The following KCNH1 variants were observed in gnomAD, a reference collection of about 807,000 sequenced individuals.
KCNH1 encodes the protein voltage-gated delayed rectifier potassium channel KCNH1.
KCNH1 carries 27 observed loss-of-function variants against 69.2 expected under a neutral mutation model. The ratio of observed to expected loss-of-function variants is 0.39; its 90% confidence interval spans 0.29 to 0.54. The LOEUF is 0.54. Ranked by LOEUF, KCNH1 falls within the 20% of genes least tolerant of loss-of-function variation. The probability of loss-of-function intolerance (pLI) is 0.68; values close to 1 mark genes in which losing one functional copy is unlikely to be tolerated. For synonymous variants in KCNH1, 456 were observed against 487.7 expected (o/e 0.93, Z 0.86); for missense variants, 798 against 1,261.6 (o/e 0.63, Z 5.57).
At chr1:210,817,897 T>C (rs115242610) in intron 7 of KCNH1, among the ~76,000 whole-genome samples, 514 of 152,296 alleles carry the variant, frequency 3.4e-3, no homozygotes, top group Middle Eastern at 0.01. Flanking sequence ...TGTGGGACAC[T>C]GTGTTGTGCA....
At chr1:210,731,626 A>C (rs1448849217) in intron 10 of KCNH1, among the ~76,000 whole-genome samples, 1 of 152,228 alleles carries the variant, frequency 6.6e-6, no homozygotes, top group Non-Finnish European at 1.5e-5. Flanking sequence ...AAATGCCACA[A>C]GCCCTTTGAA....
rs1482781233 is a variant in KCNH1 at position 211,121,128 on chromosome 1, C to T, written c.79+12739G>A. On this transcript the variant is annotated intron_variant, in intron 1 of 10. Transcript: ENST00000271751. ...CCCAAAGTAATTTATAGATTCAATG[C>T]TATTCTCATCAAACTACCATTGACA... Among the ~76,000 whole-genome samples the T allele has an allele frequency of 3.3e-5, 5 of 152,158 alleles. No individual in the cohort carries two copies. In the South Asian group the frequency reaches 6.2e-4, roughly 19 times the overall value.
intron 1 of KCNH1, among the ~76,000 whole-genome samples, chr1:211,126,687 CA>C (rs71571980): frequency 0.026 from 1,675 of 64,948 alleles, 11 homozygotes; most frequent in Non-Finnish European, 0.038. Context: ...TATAATATCT[CA>C]AAAAAAAAAA....
At chr1:211,124,597 C>T (rs952528670) in intron 1 of KCNH1, among the ~76,000 whole-genome samples, 2 of 151,972 alleles carry the variant, frequency 1.3e-5, no homozygotes, top group African/African-American at 4.8e-5. Flanking sequence ...AGCCTGGCGA[C>T]AGAGCAAGAC....
intron 7 of KCNH1, chr1:210,859,079 G>A (rs935598929): frequency 8.6e-5 from 65 of 757,922 alleles, no homozygotes; most frequent in Middle Eastern, 3.9e-4. Context: ...CTGATCATTA[G>A]TTTAGAATAG....
At chr1:211,125,725 T>C (rs1691766680) in intron 1 of KCNH1, among the ~76,000 whole-genome samples, 1 of 152,210 alleles carries the variant, frequency 6.6e-6, no homozygotes, top group Non-Finnish European at 1.5e-5. Flanking sequence ...TTCTCTTCTT[T>C]ATAGAAGCAC....
At chr1:210,733,754 A>C (rs1390636436) in intron 10 of KCNH1, among the ~76,000 whole-genome samples, 1 of 152,090 alleles carries the variant, frequency 6.6e-6, no homozygotes, top group Non-Finnish European at 1.5e-5. Flanking sequence ...GTGAAAAGAG[A>C]GGTGTGGGTA....
At chr1:210,878,876 G>A (rs1686435884) in intron 7 of KCNH1, among the ~76,000 whole-genome samples, 1 of 151,892 alleles carries the variant, frequency 6.6e-6, no homozygotes, top group South Asian at 2.1e-4. Context: ...AAATACATAA[G>A]CTTCTATCCA....
chr1:211,113,869 G>A (rs182875788), intron 1 of KCNH1, among the ~76,000 whole-genome samples: 1 of 152,022 alleles, frequency 6.6e-6, no homozygotes, highest in Non-Finnish European at 1.5e-5. Context: ...GTGTTCAGGG[G>A]AGGACGGTGA....
chr1:211,107,891 C>T (rs988489077), intron 1 of KCNH1, among the ~76,000 whole-genome samples: 5 of 152,236 alleles, frequency 3.3e-5, no homozygotes, highest in Non-Finnish European at 5.9e-5. Flanking sequence ...AACACTTCCT[C>T]ATGGACACAC....
intron 6 of KCNH1, among the ~76,000 whole-genome samples, chr1:210,956,129 T>C (rs951840657): frequency 1.3e-5 from 2 of 152,340 alleles, no homozygotes; most frequent in Non-Finnish European, 2.9e-5. Context: ...TTGAATATTG[T>C]CAAAGGCCTT....
chr1:210,999,476 T>A (rs1222180353), intron 6 of KCNH1, among the ~76,000 whole-genome samples: 1 of 152,148 alleles, frequency 6.6e-6, no homozygotes, highest in African/African-American at 2.4e-5. Context: ...AGAAATGGAA[T>A]CTCTGAATAG....
At chr1:210,856,825 A>ATATAT (rs1373036390) in intron 7 of KCNH1, among the ~76,000 whole-genome samples, 1 of 129,342 alleles carries the variant, frequency 7.7e-6, no homozygotes, top group African/African-American at 2.8e-5. Flanking sequence ...TATATATTTT[A>ATATAT]TATATAATAT....
intron 5 of KCNH1, among the ~76,000 whole-genome samples, chr1:211,059,758 A>T (rs889621787): frequency 2.0e-5 from 3 of 149,904 alleles, no homozygotes; most frequent in Admixed American, 1.3e-4. Flanking sequence ...AAAAAGAGTG[A>T]GAGAGAGAGA....
chr1:210,947,296 G>A (rs1440138142), intron 6 of KCNH1, among the ~76,000 whole-genome samples: 6 of 152,044 alleles, frequency 3.9e-5, no homozygotes, highest in Non-Finnish European at 5.9e-5. Flanking sequence ...TTGGCCAGGC[G>A]CGGTGGCTCA....
chr1:210,693,227 A>G (rs2149006286), intron 10 of KCNH1, among the ~76,000 whole-genome samples: 1 of 152,304 alleles, frequency 6.6e-6, no homozygotes, highest in South Asian at 2.1e-4. Context: ...ATGAAATAAC[A>G]TGAGAGAAGC....
At chr1:210,783,626 GAATA>G (rs1684034824) in intron 9 of KCNH1, among the ~76,000 whole-genome samples, 1 of 152,166 alleles carries the variant, frequency 6.6e-6, no homozygotes, top group Non-Finnish European at 1.5e-5. Context: ...CTCCTGGCAG[GAATA>G]AGGATGTAAG....
At chr1:210,829,915 C>T (rs1685122493) in intron 7 of KCNH1, among the ~76,000 whole-genome samples, 1 of 152,142 alleles carries the variant, frequency 6.6e-6, no homozygotes, top group South Asian at 2.1e-4. Context: ...AAGAATTGTT[C>T]TAAGCACTTT....
At chr1:211,074,540 G>T (rs1690699900) in intron 5 of KCNH1, among the ~76,000 whole-genome samples, 1 of 152,096 alleles carries the variant, frequency 6.6e-6, no homozygotes, top group Non-Finnish European at 1.5e-5. Context: ...CTTATTTGGA[G>T]ATTAAATATG....
Sources: allele counts gnomAD v4.1 joint callset (sites outside exome capture counted in the v4.1 genomes callset), GRCh38; gene constraint gnomAD v4.1.1; transcripts MANE v1.5; gene names NCBI Gene and HGNC (gene_info 2026-07-23, HGNC 2026-07-21).